The following GABRB3 variants were observed in gnomAD, a reference collection of about 807,000 sequenced individuals.
The protein encoded by GABRB3 is gamma-aminobutyric acid receptor subunit beta-3.
Under a neutral mutation model 52.1 loss-of-function variants are expected in GABRB3, and 14 were observed. The ratio of observed to expected loss-of-function variants is 0.27; its 90% CI spans 0.18 to 0.42. The LOEUF (loss-of-function observed/expected upper bound fraction) is 0.42. Among genes scored for constraint, GABRB3 ranks in the 10% least tolerant of loss-of-function variants. GABRB3 has a pLI of 1.00. For synonymous variants in GABRB3, 260 were observed against 232.3 expected, an observed-to-expected ratio of 1.12 and a Z score of -1.08; for missense variants, 307 against 609.1, an observed-to-expected ratio of 0.50 and a Z score of 5.22.
intron 3 of GABRB3, among the ~76,000 whole-genome samples, chr15:26,769,605 C>T (rs555943743): frequency 3.3e-5 from 5 of 152,286 alleles, no homozygotes; most frequent in South Asian, 2.1e-4. Context: ...TCCACCCATT[C>T]GTAACTCTGC....
intron 4 of GABRB3, among the ~76,000 whole-genome samples, chr15:26,603,182 A>C (rs1891651030): frequency 6.6e-6 from 1 of 152,038 alleles, no homozygotes; most frequent in African/African-American, 2.4e-5. Context: ...ATAAATTTCT[A>C]GACACAACCT....
chr15:26,621,558 AAGTT>A lies in GABRB3; in HGVS notation c.241-28_241-25del. On this transcript the variant is annotated intron_variant, in intron 3 of 8. Coordinates refer to ENST00000311550, the MANE Select transcript of GABRB3 (RefSeq NM_000814.6). The surrounding 1 kb of genome is among the most constrained non-coding windows in gnomAD (Gnocchi z 4.1). ...TCCTGGGGGGAAAAGAAAAGAAAGA[AAGTT>A]AGTTTGTACCCAGCCACAGGTGTAT... The A allele has an allele frequency of 6.3e-7, 1 of 1,587,782 alleles. No individual in the cohort carries two copies. Among genetic ancestry groups the A allele is most frequent in the Non-Finnish European group, 8.6e-7 (1 of 1,157,560 alleles).
At chr15:26,636,209 G>A (rs575047738) in intron 3 of GABRB3, among the ~76,000 whole-genome samples, 5 of 152,264 alleles carry the variant, frequency 3.3e-5, no homozygotes, top group Admixed American at 1.3e-4. Context: ...TCTACTTTTT[G>A]AACAAAGGAC....
chr15:26,702,335 G>T (rs1888964402), intron 3 of GABRB3, among the ~76,000 whole-genome samples: 1 of 152,160 alleles, frequency 6.6e-6, no homozygotes, highest in South Asian at 2.1e-4. Flanking sequence ...CTGATAAAGA[G>T]CTTACATCCA....
chr15:26,654,604 T>TA (rs1014230772), intron 3 of GABRB3, among the ~76,000 whole-genome samples: 4 of 151,964 alleles, frequency 2.6e-5, no homozygotes, highest in Non-Finnish European at 5.9e-5. Context: ...GAAATAAATT[T>TA]AAAAAAATTA....
chr15:26,569,591 A>G (rs577063882), intron 6 of GABRB3, among the ~76,000 whole-genome samples: 1 of 152,362 alleles, frequency 6.6e-6, no homozygotes, highest in East Asian at 1.9e-4. Context: ...TCTTAAGGAT[A>G]TATTTGTGCA....
chr15:26,586,686 C>CAAA (rs1179931462), intron 4 of GABRB3, among the ~76,000 whole-genome samples: 33 of 98,648 alleles, frequency 3.3e-4, no homozygotes, highest in African/African-American at 1.2e-3. Context: ...GACTCCATCT[C>CAAA]AAAAAAAAAA....
chr15:26,699,221 G>T (rs893609673), intron 3 of GABRB3, among the ~76,000 whole-genome samples: 13 of 152,006 alleles, frequency 8.6e-5, no homozygotes, highest in Non-Finnish European at 4.4e-5. Context: ...GTACACAGAA[G>T]GTCTTGCCTC....
At chr15:26,759,191 C>T (rs1170596720) in intron 3 of GABRB3, among the ~76,000 whole-genome samples, 2 of 151,748 alleles carry the variant, frequency 1.3e-5, no homozygotes, top group Non-Finnish European at 2.9e-5. Flanking sequence ...TTTACTTGCT[C>T]GGACTTTATG....
At chr15:26,676,919 A>G (rs1888087008) in intron 3 of GABRB3, among the ~76,000 whole-genome samples, 1 of 152,288 alleles carries the variant, frequency 6.6e-6, no homozygotes, top group East Asian at 1.9e-4. Context: ...ACTTTGGTTT[A>G]AAAATCTATT....
rs1426528884 is a variant in GABRB3 at position 26,547,064 on chromosome 15, A to G, written c.*729T>C. The G allele has an allele frequency of 6.5e-6, 1 of 153,896 alleles. No individual in the cohort carries two copies. Among genetic ancestry groups the G allele is most frequent in the Non-Finnish European group, 1.4e-5 (1 of 69,340 alleles). The allele number at this position is 153,896 out of a possible 1,614,324, so 9.5% of individuals were successfully genotyped here. A position where few individuals can be genotyped will look rare whatever the true frequency, so the allele number is the denominator to read the frequency against. The stretch of plus-strand genomic sequence containing the variant: ...CTACACACTGTATATTAGAGTACTT[A>G]CAACGAGATGCCATTCACTCCCGAT... On this transcript the variant is annotated 3_prime_UTR_variant, in exon 9 of 9. Transcript: ENST00000311550.
At chr15:26,728,985 A>G (rs1889840126) in intron 3 of GABRB3, among the ~76,000 whole-genome samples, 1 of 152,246 alleles carries the variant, frequency 6.6e-6, no homozygotes, top group African/African-American at 2.4e-5. Flanking sequence ...GGCATAACAG[A>G]AACACCCTTA....
At chr15:26,668,577 C>T (rs1046137420) in intron 3 of GABRB3, among the ~76,000 whole-genome samples, 12 of 152,234 alleles carry the variant, frequency 7.9e-5, no homozygotes, top group Admixed American at 3.3e-4. Context: ...TTGCTAAGAG[C>T]ATGTAGTCCC....
intron 3 of GABRB3, among the ~76,000 whole-genome samples, chr15:26,742,947 T>TTTTTTTTTTTTTTTTTTTTTTTTTTTTTG (rs771203717): frequency 1.9e-5 from 2 of 104,168 alleles, no homozygotes; most frequent in African/African-American, 3.2e-5. Context: ...TTTTTTTTTT[T>TTTTTTTTTTTTTTTTTTTTTTTTTTTTTG]GAGACAGAGT....
intron 3 of GABRB3, among the ~76,000 whole-genome samples, chr15:26,691,743 A>G (rs1888596563): frequency 6.6e-6 from 1 of 152,166 alleles, no homozygotes; most frequent in Non-Finnish European, 1.5e-5. Flanking sequence ...TTTTTGGGTC[A>G]TTTCAAAAAT....
rs1889272173 is a variant in GABRB3, at chr15:26,547,002, G to A, written c.*791C>T. On this transcript the variant is annotated 3_prime_UTR_variant, in exon 9 of 9. Transcript: ENST00000311550. The stretch of plus-strand genomic sequence containing the variant: ...TGTCACTGTGTTCGCACATGACAGT[G>A]AAGCTGGATCCACTCCAAGTGAACA... 6.6e-6 allele frequency: 1 copy of A among 151,954 alleles called. No homozygotes were observed. Among genetic ancestry groups the A allele is most frequent in the African/African-American group, 2.4e-5 (1 of 41,318 alleles). The allele number at this position is 151,954 out of a possible 1,614,324, so 9.4% of individuals were successfully genotyped here.
chr15:26,554,163 A>G (rs868006390), intron 8 of GABRB3, among the ~76,000 whole-genome samples: 23 of 35,886 alleles, frequency 6.4e-4, no homozygotes, highest in African/African-American at 2.4e-3. Flanking sequence ...TATATAAAGT[A>G]TATATATATA....
chr15:26,773,626 C>T (rs536031008), upstream of GABRB3: 145 of 1,548,600 alleles, frequency 9.4e-5, no homozygotes, highest in African/African-American at 1.7e-3. Flanking sequence ...TGCAGAACGC[C>T]GGGAAGCCCC....
At chr15:26,659,503 CAGAGAG>C (rs1410970901) in intron 3 of GABRB3, among the ~76,000 whole-genome samples, 3 of 152,196 alleles carry the variant, frequency 2.0e-5, no homozygotes, top group Middle Eastern at 3.4e-3. Flanking sequence ...GCCTAGGCGA[CAGAGAG>C]AGACTCTGGC....
Sources: allele counts gnomAD v4.1 joint callset (sites outside exome capture counted in the v4.1 genomes callset), GRCh38; gene constraint gnomAD v4.1.1; non-coding constraint Gnocchi (gnomAD v3.1); transcripts MANE v1.5; gene names NCBI Gene and HGNC (gene_info 2026-07-23, HGNC 2026-07-21).